Variants in SVIL observed in about 807,000 individuals in gnomAD.
SVIL encodes the protein archvillin.
Under a neutral mutation model 240.4 loss-of-function variants are expected in SVIL, and 101 were observed. The observed-to-expected ratio is 0.42, with a 90% CI of 0.36 to 0.50. The LOEUF (loss-of-function observed/expected upper bound fraction) is 0.50. Ranked by LOEUF, SVIL falls within the 20% of genes least tolerant of loss-of-function variation. The pLI is 0.01. For synonymous variants in SVIL, 999 were observed against 1,100.0 expected (o/e 0.91, Z 1.82); for missense variants, 2,512 against 2,818.7 (o/e 0.89, Z 2.46).
intron 3 of SVIL, among the ~76,000 whole-genome samples, chr10:29,642,470 C>CAAGAAAGAAAGAAAGAAA (rs1564729823): frequency 1.3e-4 from 9 of 69,460 alleles, no homozygotes; most frequent in South Asian, 7.0e-4. Flanking sequence ...AAAGAAAGAC[C>CAAGAAAGAAAGAAAGAAA]GACCCCTAAT....
chr10:29,507,100 C>G (rs565471754), intron 17 of SVIL, among the ~76,000 whole-genome samples: 62 of 152,210 alleles, frequency 4.1e-4, no homozygotes, highest in Admixed American at 6.5e-4. Flanking sequence ...AGGGAAGAGG[C>G]AGGGGGCCCA....
At position 29,648,342 on chromosome 10, in the gene SVIL, C is replaced by A. The variant is rs138802940; in HGVS notation, c.-201+9627G>T. On this transcript the variant is annotated intron_variant, in intron 3 of 35. Coordinates refer to the SVIL transcript ENST00000375400. Reference sequence around the variant, plus strand: ...ACAGCACACACCACCACATTAGAGGCCTGGCTGCATCCCAAGACAAACCAG... The same window carrying A: ...ACAGCACACACCACCACATTAGAGGACTGGCTGCATCCCAAGACAAACCAG... Among the ~76,000 whole-genome samples the A allele has an allele frequency of 2.1e-3, 313 of 152,286 alleles. 2 individuals carry two copies. Among genetic ancestry groups the A allele is most frequent in the African/African-American group, 7.2e-3 (298 of 41,542 alleles).
chr10:29,711,382 A>G (rs1379185793), intron 1 of SVIL, among the ~76,000 whole-genome samples: 1 of 152,128 alleles, frequency 6.6e-6, no homozygotes, highest in African/African-American at 2.4e-5. Flanking sequence ...CCTGGGTGAC[A>G]GAGCAAGACT....
chr10:29,724,547 G>C (rs1964178455), intron 1 of SVIL, among the ~76,000 whole-genome samples: 1 of 151,712 alleles, frequency 6.6e-6, no homozygotes, highest in Non-Finnish European at 1.5e-5. Flanking sequence ...AAAATAATTG[G>C]ATAATTCTGG....
intron 2 of SVIL, among the ~76,000 whole-genome samples, chr10:29,675,706 C>A (rs1243472712): frequency 6.6e-6 from 1 of 152,168 alleles, no homozygotes; most frequent in Non-Finnish European, 1.5e-5. Flanking sequence ...TATCCACCCT[C>A]CCAATAGAAA....
chr10:29,463,180 T>A (rs1038837170), intron 35 of SVIL, among the ~76,000 whole-genome samples: 3 of 152,170 alleles, frequency 2.0e-5, no homozygotes, highest in African/African-American at 4.8e-5. Flanking sequence ...CAACCCCGAG[T>A]ACAGCGGGGT....
At chr10:29,581,520 A>T (rs1255890973) in intron 1 of SVIL, among the ~76,000 whole-genome samples, 1 of 152,242 alleles carries the variant, frequency 6.6e-6, no homozygotes, top group Non-Finnish European at 1.5e-5. Context: ...GTTCAATAAG[A>T]AATGTTGCAA....
chr10:29,620,912 C>T (rs753829059), intron 1 of SVIL, among the ~76,000 whole-genome samples: 11 of 152,234 alleles, frequency 7.2e-5, no homozygotes, highest in Non-Finnish European at 1.3e-4. Context: ...CCACCACGCC[C>T]GGGCTATCCC....
At chr10:29,490,283 G>C (rs1260318651) in intron 22 of SVIL, among the ~76,000 whole-genome samples, 4 of 152,156 alleles carry the variant, frequency 2.6e-5, no homozygotes, top group Admixed American at 1.3e-4. Context: ...GTGATTTGAA[G>C]TGTTTTACTA....
At chr10:29,564,711 T>C (rs1253013890) in intron 2 of SVIL, among the ~76,000 whole-genome samples, 1 of 152,202 alleles carries the variant, frequency 6.6e-6, no homozygotes. Context: ...CCATCTGAAA[T>C]CTTCGTCTTT....
intron 1 of SVIL, among the ~76,000 whole-genome samples, chr10:29,607,991 G>A (rs561558882): frequency 2.4e-4 from 37 of 152,302 alleles, no homozygotes; most frequent in East Asian, 7.7e-4. Flanking sequence ...ATGTAGATGC[G>A]CTGCAAGACA....
intron 17 of SVIL, among the ~76,000 whole-genome samples, chr10:29,509,831 C>T (rs1006312378): frequency 5.3e-5 from 8 of 152,104 alleles, no homozygotes; most frequent in Non-Finnish European, 8.8e-5. Context: ...GCCTGGGCAA[C>T]GAGAATGAAA....
chr10:29,596,198 C>T (rs1956581103), intron 1 of SVIL, among the ~76,000 whole-genome samples: 2 of 152,204 alleles, frequency 1.3e-5, no homozygotes, highest in African/African-American at 4.8e-5. Flanking sequence ...TGGATGGGCG[C>T]AGTGGCTCTT....
At chr10:29,478,054 T>C (rs532163665) in intron 29 of SVIL, among the ~76,000 whole-genome samples, 2 of 152,384 alleles carry the variant, frequency 1.3e-5, no homozygotes, top group South Asian at 4.1e-4. Context: ...CGATTTCCCT[T>C]TTTGCATTTT....
At chr10:29,527,990 A>G (rs753768137) in intron 12 of SVIL, among the ~76,000 whole-genome samples, 15 of 152,036 alleles carry the variant, frequency 9.9e-5, no homozygotes, top group Non-Finnish European at 1.9e-4. Context: ...CTGCCTCCCT[A>G]AGTGCTGGGA....
chr10:29,578,127 A>T (rs758683151), intron 1 of SVIL, among the ~76,000 whole-genome samples: 1 of 152,192 alleles, frequency 6.6e-6, no homozygotes. Flanking sequence ...GATTTGAAAA[A>T]TTTTAAATAT....
At chr10:29,469,882 T>A (rs1210745100) in intron 32 of SVIL, among the ~76,000 whole-genome samples, 1 of 152,242 alleles carries the variant, frequency 6.6e-6, no homozygotes, top group Non-Finnish European at 1.5e-5. Flanking sequence ...CTTTAGCTTT[T>A]TAACACTCTG....
At chr10:29,518,410 A>G (rs1293626608) in intron 16 of SVIL, among the ~76,000 whole-genome samples, 1 of 152,118 alleles carries the variant, frequency 6.6e-6, no homozygotes, top group East Asian at 1.9e-4. Flanking sequence ...AAATAAATAA[A>G]TAAATATAAA....
At chr10:29,476,836 G>A (rs1302337211) in intron 29 of SVIL, among the ~76,000 whole-genome samples, 1 of 152,054 alleles carries the variant, frequency 6.6e-6, no homozygotes, top group African/African-American at 2.4e-5. Context: ...GCAATATAAA[G>A]ATTAAATTTT....
Sources: allele counts gnomAD v4.1 joint callset (sites outside exome capture counted in the v4.1 genomes callset), GRCh38; gene constraint gnomAD v4.1.1; transcripts MANE v1.5; gene names NCBI Gene and HGNC (gene_info 2026-07-23, HGNC 2026-07-21).